Variants in METTL8 observed in about 807,000 individuals in gnomAD.
METTL8 encodes the protein tRNA N(3)-cytidine methyltransferase METTL8, mitochondrial.
A neutral mutation model predicts 48.7 loss-of-function variants in METTL8; 32 were observed. That is an observed-to-expected ratio of 0.66 (90% confidence interval 0.50 to 0.88). METTL8 has a LOEUF of 0.88. Ranked by LOEUF, METTL8 falls within the 40% of genes least tolerant of loss-of-function variation. The pLI is 0.00. For missense variants in METTL8, 464 were observed against 474.4 expected (o/e 0.98, Z 0.20); for synonymous variants, 136 against 157.1 (o/e 0.87, Z 1.01).
chr2:171,327,592 G>A (rs1250847894), intron 7 of METTL8, among the ~76,000 whole-genome samples: 1 of 152,090 alleles, frequency 6.6e-6, no homozygotes, highest in African/African-American at 2.4e-5. Context: ...GAATAGTAAG[G>A]TAAAACTCAG....
intron 1 of METTL8, among the ~76,000 whole-genome samples, chr2:171,426,304 T>C (rs1283427244): frequency 6.6e-6 from 1 of 152,174 alleles, no homozygotes; most frequent in African/African-American, 2.4e-5. Context: ...TAAAATGTAA[T>C]GTTGAGAAAA....
At chr2:171,374,951 G>A in intron 2 of METTL8, 4 of 1,273,104 alleles carry the variant, frequency 3.1e-6, no homozygotes, top group Non-Finnish European at 4.5e-6. Context: ...TTTGGTGGGG[G>A]ACGTGGGGCA....
intron 1 of METTL8, among the ~76,000 whole-genome samples, chr2:171,393,576 T>C (rs1278688234): frequency 6.6e-6 from 1 of 152,222 alleles, no homozygotes; most frequent in Non-Finnish European, 1.5e-5. Flanking sequence ...TGGAAAAGTA[T>C]TAAAAAGAAG....
At chr2:171,375,195 T>A (rs1686828211) in intron 2 of METTL8, 3 of 1,402,092 alleles carry the variant, frequency 2.1e-6, no homozygotes, top group East Asian at 4.6e-5. Flanking sequence ...TGGGCACGCA[T>A]CGGGTACAGT....
At chr2:171,423,966 G>A (rs1292664688) in intron 1 of METTL8, among the ~76,000 whole-genome samples, 8 of 152,200 alleles carry the variant, frequency 5.3e-5, no homozygotes, top group Admixed American at 5.2e-4. Context: ...TTCCTGGGCT[G>A]GATGCAGGGC....
chr2:171,419,105 T>C (rs1399965505), intron 1 of METTL8, among the ~76,000 whole-genome samples: 3 of 152,160 alleles, frequency 2.0e-5, no homozygotes, highest in Non-Finnish European at 4.4e-5. Context: ...TTTTAGCACT[T>C]GCTTACTTTC....
intron 1 of METTL8, among the ~76,000 whole-genome samples, chr2:171,416,706 A>G (rs748406742): frequency 1.3e-5 from 2 of 152,216 alleles, no homozygotes; most frequent in Admixed American, 6.5e-5. Context: ...ACTATCCTGT[A>G]AGTGAGGGAC....
intron 2 of METTL8, among the ~76,000 whole-genome samples, chr2:171,370,911 C>T (rs900097199): frequency 2.6e-5 from 4 of 152,040 alleles, no homozygotes; most frequent in African/African-American, 7.2e-5. Flanking sequence ...CTGGGGTCTG[C>T]AATGTTCTGC....
At chr2:171,393,964 A>G (rs1178975479) in intron 1 of METTL8, among the ~76,000 whole-genome samples, 1 of 152,248 alleles carries the variant, frequency 6.6e-6, no homozygotes, top group Non-Finnish European at 1.5e-5. Flanking sequence ...ATGTGACTTA[A>G]CAGTGATAAG....
In METTL8 at chr2:171,431,583, G is replaced by A. The variant is rs938629831; in HGVS notation, c.-13+2300C>T. 7.2e-5 allele frequency among the ~76,000 whole-genome samples: 11 copies of A among 152,286 alleles called. No individual in the cohort carries two copies. In the South Asian group the frequency reaches 1.0e-3, roughly 14 times the overall value. On this transcript the variant is annotated intron_variant, in intron 1 of 9. Transcript: ENST00000375258. ...CTCTTCTCTGTCCTCCTCACCCTCC[G>A]ATTGTTAGTGTAATCTCATTCTTGG...
Position 171,356,265 on chromosome 2 carries a change from G to A in METTL8, c.235+4157C>T, listed in dbSNP as rs1225406804. Among the ~76,000 whole-genome samples, 8 of 152,112 alleles carry A rather than the reference G, an allele frequency of 5.3e-5. No homozygotes were observed. In the East Asian group the frequency reaches 5.8e-4, roughly 11 times the overall value. On this transcript the variant is annotated intron_variant, in intron 3 of 9. Coordinates refer to ENST00000375258, the MANE Select transcript of METTL8 (RefSeq NM_001321154.2). ...AAGCTATTCTCCTGCCTCAGCTCCC[G>A]AATAGCTAGGACTACAGGTGTGTGC...
intron 2 of METTL8, among the ~76,000 whole-genome samples, chr2:171,373,010 G>T (rs1393574930): frequency 2.0e-5 from 3 of 152,324 alleles, no homozygotes; most frequent in South Asian, 4.1e-4. Context: ...GTAATGGGAT[G>T]ACTGGATCAA....
At chr2:171,324,518 C>T (rs562732295) in intron 9 of METTL8, among the ~76,000 whole-genome samples, 156 bp from the exon 10 acceptor site, 4 of 152,136 alleles carry the variant, frequency 2.6e-5, no homozygotes, top group Admixed American at 2.0e-4. Flanking sequence ...TGAAACCAAG[C>T]GAGTTTCTTC....
At position 171,336,142 on chromosome 2, in the gene METTL8, G is replaced by A. The variant is rs116903524; in HGVS notation, c.656+1311C>T. ...GACAAAGTTTCGCACTGTTGCCTGG[G>A]CTGGAGTGCAGTGGCGCATCTCAGC... On this transcript the variant is annotated intron_variant, in intron 5 of 9. Coordinates refer to ENST00000375258, the MANE Select transcript of METTL8 (RefSeq NM_001321154.2). Among the ~76,000 whole-genome samples, 292 of 152,098 alleles carry A rather than the reference G, an allele frequency of 1.9e-3. 7 individuals are homozygous for A. The East Asian group carries it at 0.029, about 15-fold the overall frequency.
chr2:171,419,803 T>C (rs1312245065), intron 1 of METTL8, among the ~76,000 whole-genome samples: 1 of 152,100 alleles, frequency 6.6e-6, no homozygotes, highest in East Asian at 1.9e-4. Flanking sequence ...ACATAACACA[T>C]GCATGGTGTC....
intron 3 of METTL8, among the ~76,000 whole-genome samples, chr2:171,358,757 G>T (rs895321000): frequency 1.3e-5 from 2 of 152,070 alleles, no homozygotes; most frequent in Non-Finnish European, 2.9e-5. Flanking sequence ...ATTTTTATTT[G>T]TCTATTTTGT....
chr2:171,342,686 A>G (rs1226608274), intron 3 of METTL8, among the ~76,000 whole-genome samples: 2 of 152,190 alleles, frequency 1.3e-5, no homozygotes, highest in Admixed American at 6.5e-5. Context: ...AAAAGCAGCC[A>G]TCTAAGAAGA....
chr2:171,390,936 T>C (rs962505191), intron 2 of METTL8, among the ~76,000 whole-genome samples: 1 of 152,242 alleles, frequency 6.6e-6, no homozygotes, highest in Non-Finnish European at 1.5e-5. Flanking sequence ...GATAAAACAG[T>C]GGCAGGATCT....
At chr2:171,368,100 A>G (rs540804651) in intron 2 of METTL8, among the ~76,000 whole-genome samples, 43 of 152,232 alleles carry the variant, frequency 2.8e-4, no homozygotes, top group Non-Finnish European at 4.9e-4. Context: ...AGAATATAAC[A>G]ATTTTTACAA....
Sources: allele counts gnomAD v4.1 joint callset (sites outside exome capture counted in the v4.1 genomes callset), GRCh38; gene constraint gnomAD v4.1.1; transcripts MANE v1.5; gene names NCBI Gene and HGNC (gene_info 2026-07-23, HGNC 2026-07-21).